UGGT1: variants seen among roughly 807,000 people sequenced by gnomAD.
UGGT1 encodes UDP-glucose glycoprotein glucosyltransferase 1.
Under a neutral mutation model 203.9 loss-of-function variants are expected in UGGT1, and 107 were observed. The observed-to-expected ratio is 0.52, with a 90% CI of 0.45 to 0.62. UGGT1 has a LOEUF of 0.62. Ranked by LOEUF, UGGT1 falls within the 20% of genes least tolerant of loss-of-function variation. The pLI, the probability that UGGT1 is intolerant of heterozygous loss-of-function variation, is 0.00. For missense variants in UGGT1, 1,673 were observed against 1,867.2 expected, an observed-to-expected ratio of 0.90 and a Z score of 1.92; for synonymous variants, 628 against 653.5, an observed-to-expected ratio of 0.96 and a Z score of 0.59.
intron 34 of UGGT1, among the ~76,000 whole-genome samples, chr2:128,179,097 C>T (rs1028106965): frequency 6.6e-6 from 1 of 152,038 alleles, no homozygotes; most frequent in Non-Finnish European, 1.5e-5. Context: ...TCACCAGAGG[C>T]ACTGTCAGGA....
chr2:128,131,696 C>T (rs1688886385), intron 13 of UGGT1, among the ~76,000 whole-genome samples: 1 of 152,108 alleles, frequency 6.6e-6, no homozygotes, highest in South Asian at 2.1e-4. Context: ...GGTGTGATCT[C>T]AGCTCACTGC....
intron 14 of UGGT1, among the ~76,000 whole-genome samples, chr2:128,134,212 T>A (rs1300021064): frequency 6.6e-6 from 1 of 152,154 alleles, no homozygotes; most frequent in Admixed American, 6.5e-5. Flanking sequence ...ATTTTTGTAT[T>A]TTTAGTAGAG....
chr2:128,182,700 A>AT (rs1273105094), intron 37 of UGGT1, among the ~76,000 whole-genome samples: 1 of 150,550 alleles, frequency 6.6e-6, no homozygotes, highest in Non-Finnish European at 1.5e-5. Flanking sequence ...TTCCATCTCA[A>AT]AAAAAAAAAA....
intron 29 of UGGT1, 119 bp from the exon 30 acceptor site, chr2:128,173,662 A>C (rs1383985404): frequency 1.4e-5 from 17 of 1,201,930 alleles, no homozygotes; most frequent in Non-Finnish European, 1.8e-5. Context: ...GAATTTCTTA[A>C]AATATGATCA....
At chr2:128,142,905 C>T (rs928043010) in intron 16 of UGGT1, among the ~76,000 whole-genome samples, 189 bp from the exon 17 acceptor site, 1 of 149,654 alleles carries the variant, frequency 6.7e-6, no homozygotes, top group Admixed American at 6.7e-5. Flanking sequence ...CACACGAATC[C>T]GGAAGGCGGA....
chr2:128,174,004 A>G (rs553126991), intron 30 of UGGT1, 65 bp downstream of exon 30: 31 of 1,558,166 alleles, frequency 2.0e-5, no homozygotes, highest in African/African-American at 1.8e-4. Context: ...ATAATTTATG[A>G]TGGAGCAATT....
At position 128,180,934 on chromosome 2, in the gene UGGT1, G is replaced by T; in HGVS notation, c.3945G>T (p.Glu1315Asp). ...YMANEYNFQY[E>D]LVQYKWPRWL... Reference sequence around the variant, plus strand: ...CAAATGAATACAATTTCCAGTATGAGCTTGTTCAGTACAAATGGCCCCGGT... The same window carrying T: ...CAAATGAATACAATTTCCAGTATGATCTTGTTCAGTACAAATGGCCCCGGT... Residue 1315 changes from glutamate to aspartate, a missense_variant, in exon 36 of 41, where the codon GAG (glutamate) becomes GAT (aspartate). By Grantham distance (45) the Glu-to-Asp change is conservative. Coordinates refer to ENST00000259253, the MANE Select transcript of UGGT1 (RefSeq NM_020120.4). 1.2e-6 allele frequency: 2 copies of T among 1,614,134 alleles called. No homozygotes were observed. Among genetic ancestry groups the T allele is most frequent in the Non-Finnish European group, 1.7e-6 (2 of 1,180,014 alleles).
chr2:128,172,865 AT>A, intron 29 of UGGT1, 103 bp downstream of exon 29: 4 of 1,118,660 alleles, frequency 3.6e-6, no homozygotes, highest in Admixed American at 2.6e-5. Context: ...CAGGTATGAT[AT>A]TTTTTTAAAC....
In UGGT1 at chr2:128,092,312, A is replaced by T. The variant is rs187925585; in HGVS notation, c.58+897A>T. The stretch of plus-strand genomic sequence containing the variant: ...GATAAACTTAGCTGAAGCTTATTTT[A>T]AAAAAATTCTTATTTATTTATTTAT... On this transcript the variant is annotated intron_variant, in intron 1 of 40. Transcript: ENST00000259253. Among the ~76,000 whole-genome samples the T allele has an allele frequency of 1.9e-4, 26 of 136,826 alleles. 1 individual carries two copies. In the East Asian group the frequency reaches 4.7e-3, roughly 25 times the overall value. 89.8% of individuals were successfully genotyped at this position (136,826 alleles called of 152,430 possible).
intron 1 of UGGT1, among the ~76,000 whole-genome samples, chr2:128,092,321 CTTAT>C (rs143592868): frequency 3.7e-4 from 54 of 145,534 alleles, no homozygotes; most frequent in Admixed American, 1.2e-3. Flanking sequence ...TAAAAAAATT[CTTAT>C]TTATTTATTT....
At position 128,191,133 on chromosome 2, in the gene UGGT1, G is replaced by A. The variant is rs1461585474; in HGVS notation, c.*1391G>A. On this transcript the variant is annotated 3_prime_UTR_variant, in exon 41 of 41. Coordinates refer to ENST00000259253, the MANE Select transcript of UGGT1 (RefSeq NM_020120.4). ...ACGCTCTGTCTTCCAACGTGCACCA[G>A]CCTTTTCTTACATATTTTGCCTGTT... The A allele has an allele frequency of 6.6e-6, 1 of 152,250 alleles. No homozygotes were observed. Among genetic ancestry groups the A allele is most frequent in the African/African-American group, 2.4e-5 (1 of 41,466 alleles). 9.4% of individuals were successfully genotyped at this position (152,250 alleles called of 1,614,324 possible). A position where few individuals can be genotyped will look rare whatever the true frequency, so the allele number is the denominator to read the frequency against.
chr2:128,179,562 T>C (rs1691575584), intron 34 of UGGT1, among the ~76,000 whole-genome samples: 1 of 152,182 alleles, frequency 6.6e-6, no homozygotes, highest in African/African-American at 2.4e-5. Context: ...CAGTTAAGTG[T>C]AGTTTTATAG....
At chr2:128,092,896 TATC>T (rs1414020360) in intron 1 of UGGT1, among the ~76,000 whole-genome samples, 1 of 152,198 alleles carries the variant, frequency 6.6e-6, no homozygotes, top group Admixed American at 6.5e-5. Flanking sequence ...GTATAATGCT[TATC>T]ATGCAAAGCC....
intron 12 of UGGT1, 77 bp from the exon 13 acceptor site, chr2:128,128,952 A>ACCT: frequency 7.1e-7 from 1 of 1,412,988 alleles, no homozygotes; most frequent in East Asian, 2.5e-5. Context: ...TTGAACTGAT[A>ACCT]CATTTTTTTT....
intron 11 of UGGT1, among the ~76,000 whole-genome samples, chr2:128,124,360 T>G (rs1411311463): frequency 6.6e-6 from 1 of 152,232 alleles, no homozygotes; most frequent in African/African-American, 2.4e-5. Context: ...GGAATTTTAG[T>G]TTCCATTGTG....
intron 31 of UGGT1, among the ~76,000 whole-genome samples, chr2:128,175,361 G>T (rs908893960): frequency 6.6e-6 from 1 of 152,168 alleles, no homozygotes; most frequent in South Asian, 2.1e-4. Context: ...TTACCTTAAG[G>T]TTTACTGCAC....
chr2:128,194,120 T>G lies in UGGT1; in HGVS notation c.*4378T>G, dbSNP rs1692407183. ...TTTTTTTCCCCCCTCAAGACAGAGA[T>G]TTGCTCTTGTTGCCCAGGGTGGAGT... On this transcript the variant is annotated 3_prime_UTR_variant, in exon 41 of 41. Transcript: ENST00000259253. 3 of 152,150 alleles carry G rather than the reference T, an allele frequency of 2.0e-5. No homozygotes were observed. In the South Asian group the frequency reaches 6.2e-4, roughly 32 times the overall value. 9.4% of individuals were successfully genotyped at this position (152,150 alleles called of 1,614,324 possible).
intron 7 of UGGT1, 65 bp downstream of exon 7, chr2:128,115,285 C>T: frequency 7.1e-7 from 1 of 1,416,540 alleles, no homozygotes; most frequent in Non-Finnish European, 9.9e-7. Context: ...AGTTTGTTTC[C>T]ATATGAAAAA....
chr2:128,107,738 G>A (rs1016481540), intron 3 of UGGT1, among the ~76,000 whole-genome samples, 200 bp from the exon 4 acceptor site: 1 of 152,208 alleles, frequency 6.6e-6, no homozygotes, highest in Non-Finnish European at 1.5e-5. Flanking sequence ...GGAATAGTTC[G>A]AAAGGTGAGA....
Sources: allele counts gnomAD v4.1 joint callset (sites outside exome capture counted in the v4.1 genomes callset), GRCh38; gene constraint gnomAD v4.1.1; transcripts MANE v1.5; gene names NCBI Gene and HGNC (gene_info 2026-07-23, HGNC 2026-07-21).